TCN1: variants seen among roughly 807,000 people sequenced by gnomAD.
TCN1 encodes transcobalamin-1.
In TCN1, 47 loss-of-function variants were observed where a neutral mutation model predicts 46.3. The ratio of observed to expected loss-of-function variants is 1.01; its 90% CI spans 0.80 to 1.29. TCN1 has a LOEUF of 1.29. Ranked by LOEUF, TCN1 falls within the 50% of genes most tolerant of loss-of-function variation. The pLI, the probability that TCN1 is intolerant of heterozygous loss-of-function variation, is 0.00. For missense variants in TCN1, 532 were observed against 511.0 expected (o/e 1.04, Z -0.40); for synonymous variants, 183 against 192.5 (o/e 0.95, Z 0.41).
At chr11:59,855,191 T>G (rs1360992927) in intron 6 of TCN1, among the ~76,000 whole-genome samples, 1 of 152,222 alleles carries the variant, frequency 6.6e-6, no homozygotes, top group African/African-American at 2.4e-5. Flanking sequence ...GCTTAACGTT[T>G]ATTGAAAACA....
Position 59,859,102 on chromosome 11 carries a change from G to A in TCN1, c.722C>T (p.Thr241Ile), listed in dbSNP as rs1474815954. The A allele has an allele frequency of 6.2e-7, 1 of 1,613,584 alleles. No homozygotes were observed. Among genetic ancestry groups the A allele is most frequent in the Non-Finnish European group, 8.5e-7 (1 of 1,179,996 alleles). Residue 241 changes from threonine to isoleucine, a missense_variant, in exon 5 of 9, where the codon ACA (threonine) becomes ATA (isoleucine). Coordinates refer to ENST00000257264, the MANE Select transcript of TCN1 (RefSeq NM_001062.4). ...CTGCATGGCTTCTCCTGTGCTAAAT[G>A]TGTTTCCAATGAGACCATTTTCTTT... is the stretch of plus-strand genomic sequence containing the variant. Reference protein sequence around the residue: ...EKKENGLIGNTFSTGEAMQAL... With the variant: ...EKKENGLIGNIFSTGEAMQAL...
At chr11:59,865,563 C>T (rs1355143409) in intron 1 of TCN1, among the ~76,000 whole-genome samples, 1 of 152,058 alleles carries the variant, frequency 6.6e-6, no homozygotes, top group African/African-American at 2.4e-5. Flanking sequence ...GATAGTACCA[C>T]CTAGTAATCT....
At chr11:59,860,887 G>T (rs529472779) in intron 4 of TCN1, among the ~76,000 whole-genome samples, 14 of 152,304 alleles carry the variant, frequency 9.2e-5, no homozygotes, top group African/African-American at 2.9e-4. Flanking sequence ...ATGGTGATTT[G>T]CTTTGAACTT....
chr11:59,866,008 T>C (rs957916011), intron 1 of TCN1, among the ~76,000 whole-genome samples: 1 of 152,148 alleles, frequency 6.6e-6, no homozygotes, highest in African/African-American at 2.4e-5. Flanking sequence ...AAATCATGCA[T>C]TGAATTTCAG....
chr11:59,858,481 T>C (rs1852974573), intron 5 of TCN1, among the ~76,000 whole-genome samples: 1 of 152,130 alleles, frequency 6.6e-6, no homozygotes, highest in Non-Finnish European at 1.5e-5. Context: ...AGAAAGCAGA[T>C]TGTAGTAGAC....
intron 6 of TCN1, among the ~76,000 whole-genome samples, chr11:59,855,484 A>C (rs140690492): frequency 1.4e-4 from 21 of 152,302 alleles, no homozygotes; most frequent in African/African-American, 5.1e-4. Context: ...TCACTTCCAC[A>C]CAGATGTCTC....
intron 4 of TCN1, among the ~76,000 whole-genome samples, chr11:59,859,848 A>C (rs1178085315): frequency 6.6e-6 from 1 of 152,210 alleles, no homozygotes; most frequent in Non-Finnish European, 1.5e-5. Context: ...AAGAAAATTC[A>C]AGATGCATGC....
At chr11:59,862,760 C>G (rs770109285) in intron 2 of TCN1, 38 bp from the exon 3 acceptor site, 1 of 1,610,720 alleles carries the variant, frequency 6.2e-7, no homozygotes, top group Admixed American at 1.7e-5. Flanking sequence ...AAGGTACAGG[C>G]TTGTGATTTT....
At position 59,863,946 on chromosome 11, in the gene TCN1, T is replaced by C; in HGVS notation, c.220A>G (p.Lys74Glu). 1 of 1,613,954 alleles carries C rather than the reference T, an allele frequency of 6.2e-7. No homozygotes were observed. Among genetic ancestry groups the C allele is most frequent in the Non-Finnish European group, 8.5e-7 (1 of 1,179,840 alleles). The change falls in exon 2 of 9, where the codon AAG (lysine) becomes GAG (glutamate). Residue 74 changes from lysine (K) to glutamate (E), a missense_variant. Physicochemically the swap from Lys to Glu is moderately conservative, Grantham distance 56. Coordinates refer to ENST00000257264, the MANE Select transcript of TCN1 (RefSeq NM_001062.4). ...TTGTATTTGATTTGTTGGATCATCTTTTGCATCAGGGTTTGGATCTGGATT... is the reference window on the plus strand; with the variant it reads ...TTGTATTTGATTTGTTGGATCATCTCTTGCATCAGGGTTTGGATCTGGATT... ...VGIQIQTLMQ[K>E]MIQQIKYNVK... is the part of the protein sequence containing the mutation.
rs751807671 is a variant in TCN1, at chr11:59,852,933, A to AG, written c.*41_*42insC. On this transcript the variant is annotated 3_prime_UTR_variant, in exon 9 of 9. Transcript: ENST00000257264. ...ATAAGGACAATAAACATGGAACTCC[A>AG]CTGCAAATGGATTTTATGCAGCTGA... 1 of 1,577,392 alleles carries AG rather than the reference A, an allele frequency of 6.3e-7. No homozygotes were observed. The highest frequency in any genetic ancestry group is 8.7e-7 in the Non-Finnish European group (1 of 1,146,470).
At chr11:59,859,749 G>A (rs1852997299) in intron 4 of TCN1, among the ~76,000 whole-genome samples, 2 of 152,146 alleles carry the variant, frequency 1.3e-5, no homozygotes, top group Admixed American at 1.3e-4. Context: ...TTTAGAGAGT[G>A]GTGTCTTGTA....
At chr11:59,853,112 C>T in intron 8 of TCN1, 76 bp from the exon 9 acceptor site, 2 of 1,599,416 alleles carry the variant, frequency 1.3e-6, no homozygotes, top group Non-Finnish European at 1.7e-6. Context: ...GTCATCTCTA[C>T]TAACCCCTTG....
Position 59,863,941 on chromosome 11 carries a change from C to G in TCN1, c.225G>C (p.Met75Ile). 6.2e-7 allele frequency: 1 copy of G among 1,613,844 alleles called. No individual in the cohort carries two copies. The highest frequency in any genetic ancestry group is 8.5e-7 in the Non-Finnish European group (1 of 1,179,806). Residue 75 changes from methionine to isoleucine, a missense_variant, in exon 2 of 9, where the codon ATG (methionine) becomes ATC (isoleucine). By Grantham distance (10) the Met-to-Ile change is conservative. Coordinates refer to ENST00000257264, the MANE Select transcript of TCN1 (RefSeq NM_001062.4). Reference sequence around the variant, plus strand: ...TCACATTGTATTTGATTTGTTGGATCATCTTTTGCATCAGGGTTTGGATCT... The same window carrying G: ...TCACATTGTATTTGATTTGTTGGATGATCTTTTGCATCAGGGTTTGGATCT... ...GIQIQTLMQK[M>I]IQQIKYNVKS...
intron 2 of TCN1, among the ~76,000 whole-genome samples, chr11:59,863,128 C>T (rs548277148): frequency 6.6e-6 from 1 of 152,316 alleles, no homozygotes; most frequent in Non-Finnish European, 1.5e-5. Context: ...GGACCACCGT[C>T]ATATATATTC....
In TCN1 at chr11:59,861,665, G is replaced by A; in HGVS notation, c.418C>T (p.Pro140Ser). Residue 140 changes from proline to serine, a missense_variant, in exon 4 of 9, where the codon CCC (proline) becomes TCC (serine). Physicochemically the swap from Pro to Ser is moderately conservative, Grantham distance 74 (BLOSUM62 -1). Transcript: ENST00000257264. ...CTGAGCTGGTAGTAGTTAGTCAGGG[G>A]AGTGCCATTGTGTGCTTCTAGAAAA... ...IENMEAHNGT[P>S]LTNYYQLSLD... The A allele has an allele frequency of 6.2e-7, 1 of 1,614,138 alleles. No individual in the cohort carries two copies. Among genetic ancestry groups the A allele is most frequent in the Non-Finnish European group, 8.5e-7 (1 of 1,179,992 alleles).
In TCN1 at chr11:59,862,606, A is replaced by T. The variant is rs776930377; in HGVS notation, c.376T>A (p.Phe126Ile). 2 of 1,613,598 alleles carry T rather than the reference A, an allele frequency of 1.2e-6. No individual in the cohort carries two copies. Among genetic ancestry groups the T allele is most frequent in the Non-Finnish European group, 1.7e-6 (2 of 1,179,714 alleles). ...YHLIDKLENK[F>I]QAEIENMEAH... ...CCCATATTTTCAATTTCTGCTTGGA[A>T]TTTATTTTCTAGCTTGTCGATCAGG... Residue 126 changes from phenylalanine to isoleucine, a missense_variant, in exon 3 of 9, where the codon TTC becomes ATC. Coordinates refer to ENST00000257264, the MANE Select transcript of TCN1 (RefSeq NM_001062.4).
chr11:59,858,901 G>A (rs1852983594), intron 5 of TCN1, among the ~76,000 whole-genome samples, 176 bp downstream of exon 5: 3 of 152,140 alleles, frequency 2.0e-5, no homozygotes, highest in Admixed American at 2.0e-4. Flanking sequence ...TACTCAGGAG[G>A]CTGAGGCAGG....
At chr11:59,861,737 A>G in intron 3 of TCN1, 55 bp from the exon 4 acceptor site, 1 of 1,571,066 alleles carries the variant, frequency 6.4e-7, no homozygotes, top group South Asian at 1.1e-5. Context: ...TGGCGTATGC[A>G]TTTTCCATCT....
chr11:59,857,562 T>G (rs1852957480), intron 5 of TCN1, among the ~76,000 whole-genome samples: 1 of 152,230 alleles, frequency 6.6e-6, no homozygotes, highest in Admixed American at 6.5e-5. Context: ...TTTGTGCTTT[T>G]GGGTCTTTGT....
Sources: allele counts gnomAD v4.1 joint callset (sites outside exome capture counted in the v4.1 genomes callset), GRCh38; gene constraint gnomAD v4.1.1; transcripts MANE v1.5; gene names NCBI Gene and HGNC (gene_info 2026-07-23, HGNC 2026-07-21).